The following CACNA1C variants were observed in gnomAD, a reference collection of about 807,000 sequenced individuals.
CACNA1C encodes calcium voltage-gated channel subunit alpha1 C, also known as voltage-dependent L-type calcium channel subunit alpha-1C.
A neutral mutation model predicts 229.0 loss-of-function variants in CACNA1C; 30 were observed. That is an observed-to-expected ratio of 0.13 (90% CI 0.10 to 0.18). The LOEUF (loss-of-function observed/expected upper bound fraction) is 0.18. Ranked by LOEUF, CACNA1C falls within the 10% of genes least tolerant of loss-of-function variation. The pLI is 1.00. For missense variants in CACNA1C, 1,658 were observed against 2,845.0 expected (o/e 0.58, Z 9.49); for synonymous variants, 1,114 against 1,132.5 (o/e 0.98, Z 0.33).
chr12:2,531,522 C>G (rs2154582285), intron 9 of CACNA1C, among the ~76,000 whole-genome samples: 1 of 152,356 alleles, frequency 6.6e-6, no homozygotes, highest in East Asian at 1.9e-4. Context: ...CCATCCAGCC[C>G]TGTCTTTCTC....
intron 29 of CACNA1C, among the ~76,000 whole-genome samples, chr12:2,624,165 A>G (rs1429042654): frequency 1.3e-5 from 2 of 152,196 alleles, no homozygotes; most frequent in African/African-American, 2.4e-5. Flanking sequence ...TGTAACGCCG[A>G]TGAACACTTC....
At chr12:2,164,572 T>A (rs915143750) in intron 3 of CACNA1C, among the ~76,000 whole-genome samples, 1 of 152,232 alleles carries the variant, frequency 6.6e-6, no homozygotes. Flanking sequence ...CTGTTGTGGC[T>A]TATCACCCGC....
chr12:2,034,200 G>A lies in CACNA1C; in HGVS notation c.139+62999G>A, dbSNP rs1306022185. ...ACTGAGGCTTGAAGAGAGCGGTTCA[G>A]TGACTCGCCCAAACTCACATGCTTA... is the stretch of plus-strand genomic sequence containing the variant. On this transcript the variant is annotated intron_variant, in intron 1 of 46. Coordinates refer to the CACNA1C transcript ENST00000682462. The surrounding 1 kb of genome is among the most constrained non-coding windows in gnomAD (Gnocchi z 4.1). Among the ~76,000 whole-genome samples the A allele has an allele frequency of 2.0e-5, 3 of 152,192 alleles. No homozygotes were observed. The highest frequency in any genetic ancestry group is 6.5e-5 in the Admixed American group (1 of 15,278).
At chr12:2,607,214 T>C (rs1601885706) in intron 26 of CACNA1C, 84 bp downstream of exon 26, 1 of 1,398,964 alleles carries the variant, frequency 7.1e-7, no homozygotes, top group East Asian at 2.5e-5. Context: ...GTTTTGTTAA[T>C]GTCCCGCACT....
intron 3 of CACNA1C, among the ~76,000 whole-genome samples, chr12:2,402,028 C>T (rs958113653): frequency 9.8e-5 from 15 of 152,370 alleles, no homozygotes; most frequent in South Asian, 6.2e-4. Flanking sequence ...TATACATGAA[C>T]ATTGTAGGTT....
At chr12:2,609,030 G>T (rs1423798306) in intron 27 of CACNA1C, among the ~76,000 whole-genome samples, 2 of 152,186 alleles carry the variant, frequency 1.3e-5, no homozygotes, top group Non-Finnish European at 2.9e-5. Flanking sequence ...GACCCAAGTG[G>T]GTCGGCACCA....
chr12:2,567,468 T>A, intron 12 of CACNA1C, 101 bp from the exon 13 acceptor site: 2 of 722,428 alleles, frequency 2.8e-6, no homozygotes, highest in Non-Finnish European at 4.6e-6. Context: ...TCATGGGGGA[T>A]CTTTTTTCCA....
In CACNA1C at chr12:2,651,467, T is replaced by C; in HGVS notation, c.3946-173T>C. 1 of 824,648 alleles carries C rather than the reference T, an allele frequency of 1.2e-6. No homozygotes were observed. The highest frequency in any genetic ancestry group is 2.0e-6 in the Non-Finnish European group (1 of 504,070). 51.1% of individuals were successfully genotyped at this position (824,648 alleles called of 1,614,324 possible). ...CTGCAGAGACCATGGGGCTGGGCTG[T>C]CCACTCATTAAAGTGGGCGGCCGCC... On this transcript the variant is annotated intron_variant, in intron 31 of 46. Coordinates refer to ENST00000399655, the MANE Select transcript of CACNA1C (RefSeq NM_000719.7). The surrounding 1 kb of genome is among the most constrained non-coding windows in gnomAD (Gnocchi z 5.4).
At chr12:2,484,348 ACT>A (rs903946926) in intron 5 of CACNA1C, among the ~76,000 whole-genome samples, 1 of 152,062 alleles carries the variant, frequency 6.6e-6, no homozygotes, top group African/African-American at 2.4e-5. Flanking sequence ...AGCATATTCA[ACT>A]CTCTAAAAGA....
intron 3 of CACNA1C, among the ~76,000 whole-genome samples, chr12:2,273,346 A>G (rs769810653): frequency 1.1e-4 from 17 of 152,148 alleles, no homozygotes; most frequent in African/African-American, 2.7e-4. Flanking sequence ...AATATTTTCT[A>G]TCTGTGGCTG....
rs1464014549 is a variant in CACNA1C at position 2,608,429 on chromosome 12, T to A, written c.3357-82T>A. On this transcript the variant is annotated intron_variant, in intron 26 of 46. Transcript: ENST00000399655. The surrounding 1 kb of genome is among the most constrained non-coding windows in gnomAD (Gnocchi z 4.2). ...GTCTCCTGCACCCTGATCCCTGGGA[T>A]CCCTGGAGCAGTGGTGCCGTCCTTC... The A allele has an allele frequency of 2.9e-6, 3 of 1,035,640 alleles. No homozygotes were observed. The highest frequency in any genetic ancestry group is 3.2e-5 in the African/African-American group (2 of 62,582). 64.2% of individuals were successfully genotyped at this position (1,035,640 alleles called of 1,614,324 possible). A position where few individuals can be genotyped will look rare whatever the true frequency, so the allele number is the denominator to read the frequency against.
chr12:1,987,879 C>T (rs2038254057), intron 1 of CACNA1C, among the ~76,000 whole-genome samples: 1 of 152,120 alleles, frequency 6.6e-6, no homozygotes, highest in Admixed American at 6.5e-5. Flanking sequence ...TTTCTTCTGT[C>T]TCCCTCCCCC....
rs545581771 is a variant in CACNA1C at position 2,301,442 on chromosome 12, C to T, written c.478-147534C>T. 8.7e-4 allele frequency among the ~76,000 whole-genome samples: 132 copies of T among 152,208 alleles called. 1 individual carries two copies. The highest frequency in any genetic ancestry group is 3.0e-3 in the African/African-American group (124 of 41,496). ...AATTTCGCACAGAAGGTACCTGATC[C>T]GTGATTTGCCCCGGAGGTGAAAATG... On this transcript the variant is annotated intron_variant, in intron 3 of 46. Coordinates refer to ENST00000399655, the MANE Select transcript of CACNA1C (RefSeq NM_000719.7).
chr12:2,489,642 T>G (rs1263785559), intron 6 of CACNA1C, among the ~76,000 whole-genome samples: 1 of 152,230 alleles, frequency 6.6e-6, no homozygotes, highest in Non-Finnish European at 1.5e-5. Context: ...TCATCTTCAT[T>G]CTATTTACTC....
intron 1 of CACNA1C, among the ~76,000 whole-genome samples, chr12:2,041,412 G>T (rs2050078193): frequency 6.6e-6 from 1 of 151,612 alleles, no homozygotes; most frequent in Non-Finnish European, 1.5e-5. Flanking sequence ...GAGTAGCTGG[G>T]ACTACAGGCG....
At position 2,692,284 on chromosome 12, in the gene CACNA1C, G is replaced by C. The variant is rs969303385; in HGVS notation, c.*1085G>C. ...GCACTTGATGTGGTCTTGCACATGT[G>C]GGTGATAGAGTTGGGTTCCTTTTTA... On this transcript the variant is annotated 3_prime_UTR_variant, in exon 47 of 47. Coordinates refer to ENST00000399655, the MANE Select transcript of CACNA1C (RefSeq NM_000719.7). 3 of 150,142 alleles carry C rather than the reference G, an allele frequency of 2.0e-5. No individual in the cohort carries two copies. The highest frequency in any genetic ancestry group is 7.4e-5 in the African/African-American group (3 of 40,272). 9.3% of individuals were successfully genotyped at this position (150,142 alleles called of 1,614,324 possible).
At chr12:2,533,628 G>A (rs566067428) in intron 9 of CACNA1C, among the ~76,000 whole-genome samples, 2 of 152,176 alleles carry the variant, frequency 1.3e-5, no homozygotes, top group African/African-American at 4.8e-5. Context: ...GGGAGCTTCG[G>A]TGGAGAGGAA....
chr12:2,181,173 G>A lies in CACNA1C; in HGVS notation c.477+60743G>A, dbSNP rs916043532. 2.0e-5 allele frequency among the ~76,000 whole-genome samples: 3 copies of A among 152,108 alleles called. No homozygotes were observed. Among genetic ancestry groups the A allele is most frequent in the Admixed American group, 6.5e-5 (1 of 15,268 alleles). ...ACAGGAGAGCCCAGTCCGTGACGGC[G>A]GTAACAATGATCATTACTACCTCTG... On this transcript the variant is annotated intron_variant, in intron 3 of 46. Coordinates refer to ENST00000399655, the MANE Select transcript of CACNA1C (RefSeq NM_000719.7). The surrounding 1 kb of genome is among the most constrained non-coding windows in gnomAD (Gnocchi z 4.0).
chr12:2,312,950 AC>A (rs1454174598), intron 3 of CACNA1C, among the ~76,000 whole-genome samples: 4 of 152,294 alleles, frequency 2.6e-5, no homozygotes, highest in African/African-American at 9.6e-5. Flanking sequence ...ATATCCAGAT[AC>A]TGAGTCCTGA....
Sources: gnomAD v4.1 joint callset for allele counts (sites outside exome capture counted in the v4.1 genomes callset) on GRCh38, gnomAD v4.1.1 for gene constraint, Gnocchi (gnomAD v3.1) non-coding constraint, MANE v1.5 for transcripts, NCBI Gene and HGNC (gene_info 2026-07-23, HGNC 2026-07-21) for gene names.